DIP2C: variants seen among roughly 807,000 people sequenced by gnomAD.
DIP2C encodes disco-interacting protein 2 homolog C.
DIP2C carries 33 observed loss-of-function variants against 192.4 expected under a neutral mutation model. The observed-to-expected ratio is 0.17, with a 90% confidence interval of 0.13 to 0.23. The LOEUF (loss-of-function observed/expected upper bound fraction) is 0.23, where lower values mean the gene tolerates loss of function less well. DIP2C is among the 10% of genes least tolerant of loss of function. The probability of loss-of-function intolerance (pLI) is 1.00; values close to 1 mark genes in which losing one functional copy is unlikely to be tolerated. For missense variants in DIP2C, 1,537 were observed against 2,110.1 expected (o/e 0.73, Z 5.32); for synonymous variants, 979 against 864.1 (o/e 1.13, Z -2.33).
intron 31 of DIP2C, among the ~76,000 whole-genome samples, chr10:323,505 T>G (rs1324615750): frequency 1.3e-5 from 2 of 152,242 alleles, no homozygotes. Flanking sequence ...ACACCCCCGT[T>G]TCCACACTCA....
intron 1 of DIP2C, among the ~76,000 whole-genome samples, chr10:494,249 C>T (rs978359235): frequency 6.6e-6 from 1 of 152,198 alleles, no homozygotes; most frequent in East Asian, 1.9e-4. Flanking sequence ...TCAGTAAACA[C>T]AAAAGCGCAT....
chr10:462,408 A>G (rs1433947573), intron 3 of DIP2C, among the ~76,000 whole-genome samples: 5 of 152,248 alleles, frequency 3.3e-5, no homozygotes, highest in Non-Finnish European at 7.3e-5. Context: ...CTATGCAAAT[A>G]AACTAGAAAA....
intron 7 of DIP2C, 142 bp downstream of exon 7, chr10:415,627 G>T: frequency 1.8e-6 from 2 of 1,128,378 alleles, no homozygotes; most frequent in Non-Finnish European, 2.5e-6. Context: ...AACATCACCC[G>T]CTCCCTACCT....
At chr10:476,944 C>G (rs1297086511) in intron 2 of DIP2C, among the ~76,000 whole-genome samples, 1 of 148,940 alleles carries the variant, frequency 6.7e-6, no homozygotes, top group Non-Finnish European at 1.5e-5. Context: ...CTCGGTGGAG[C>G]TGGCCACAGG....
At chr10:507,943 A>G (rs1487017795) in intron 1 of DIP2C, among the ~76,000 whole-genome samples, 1 of 152,202 alleles carries the variant, frequency 6.6e-6, no homozygotes, top group Non-Finnish European at 1.5e-5. Flanking sequence ...TTTTCTGAAG[A>G]CAGAGTCCAT....
intron 1 of DIP2C, among the ~76,000 whole-genome samples, chr10:487,621 A>G (rs919185455): frequency 1.8e-5 from 2 of 113,766 alleles, no homozygotes; most frequent in Non-Finnish European, 3.3e-5. Flanking sequence ...TCTGTCGCCC[A>G]GGCTGGAGTG....
chr10:488,824 T>C (rs550938319), intron 1 of DIP2C, among the ~76,000 whole-genome samples: 1 of 152,318 alleles, frequency 6.6e-6, no homozygotes, highest in Non-Finnish European at 1.5e-5. Context: ...AACCAGACAA[T>C]GTCCCATAGA....
chr10:634,531 A>G (rs1485402224), intron 1 of DIP2C, among the ~76,000 whole-genome samples: 1 of 152,208 alleles, frequency 6.6e-6, no homozygotes, highest in African/African-American at 2.4e-5. Context: ...GTTCAACGGC[A>G]GGCCACCAAT....
chr10:502,453 AAAGT>A (rs1362523993), intron 1 of DIP2C, among the ~76,000 whole-genome samples: 1 of 152,210 alleles, frequency 6.6e-6, no homozygotes, highest in Non-Finnish European at 1.5e-5. Flanking sequence ...ATATTCGAAA[AAAGT>A]AAGGTCTCAG....
At chr10:617,389 C>A (rs1483821302) in intron 1 of DIP2C, among the ~76,000 whole-genome samples, 1 of 152,204 alleles carries the variant, frequency 6.6e-6, no homozygotes, top group Non-Finnish European at 1.5e-5. Flanking sequence ...GGAATGGTAA[C>A]TGAACCCACT....
intron 1 of DIP2C, among the ~76,000 whole-genome samples, chr10:575,782 GCA>G (rs1026124085): frequency 8.9e-4 from 136 of 152,318 alleles, no homozygotes; most frequent in African/African-American, 2.3e-3. Flanking sequence ...AGAGCCAGGG[GCA>G]CAGTTTCCTC....
chr10:662,344 G>A (rs1417278624), intron 1 of DIP2C, among the ~76,000 whole-genome samples: 3 of 152,200 alleles, frequency 2.0e-5, no homozygotes, highest in African/African-American at 7.2e-5. Context: ...GCCAGATAAC[G>A]CGGACAAAGT....
chr10:611,043 G>A (rs529679021), intron 1 of DIP2C, among the ~76,000 whole-genome samples: 4 of 150,976 alleles, frequency 2.6e-5, no homozygotes, highest in South Asian at 2.1e-4. Context: ...ACTGACTCAC[G>A]GGGGTGCTTT....
At chr10:414,727 G>GTATATATATATATATATA (rs1305381030) in intron 7 of DIP2C, among the ~76,000 whole-genome samples, 1 of 70,360 alleles carries the variant, frequency 1.4e-5, no homozygotes, top group African/African-American at 5.5e-5. Flanking sequence ...GTGTGTGTGT[G>GTATATATATATATATATA]TGTGTGTGTG....
chr10:298,143 C>T (rs540958504), intron 32 of DIP2C, among the ~76,000 whole-genome samples: 1 of 152,316 alleles, frequency 6.6e-6, no homozygotes, highest in South Asian at 2.1e-4. Flanking sequence ...TCCCAGGATC[C>T]TACCCAGGAT....
rs1966309088 is a variant in DIP2C at position 422,989 on chromosome 10, A to C, written c.439T>G (p.Ser147Ala). The change falls in exon 5 of 37, where the codon TCC (serine) becomes GCC (alanine). Residue 147 changes from serine to alanine, a missense_variant. Transcript: ENST00000280886. ...TGGCTGGAGGTGGGGGTGCCCTGGG[A>C]GTCCCCCTGCACTGAGCCTTCATCT... ...SEDEGSVQGD[S>A]QGTPTSSQGS... 6.2e-7 allele frequency: 1 copy of C among 1,613,938 alleles called. No individual in the cohort carries two copies. Among genetic ancestry groups the C allele is most frequent in the Non-Finnish European group, 8.5e-7 (1 of 1,179,964 alleles).
chr10:587,616 G>GC (rs1369637216), intron 1 of DIP2C, among the ~76,000 whole-genome samples: 2 of 151,624 alleles, frequency 1.3e-5, no homozygotes, highest in Non-Finnish European at 2.9e-5. Flanking sequence ...CACTGCCTCA[G>GC]CCCTGACCCT....
At chr10:467,438 G>A (rs1176100356) in intron 3 of DIP2C, among the ~76,000 whole-genome samples, 4 of 150,334 alleles carry the variant, frequency 2.7e-5, no homozygotes, top group South Asian at 2.1e-4. Context: ...GCTAGATGAC[G>A]AGTTAGTGGG....
chr10:398,149 CTTCCCT>C (rs1202371883), intron 10 of DIP2C, among the ~76,000 whole-genome samples: 1 of 152,178 alleles, frequency 6.6e-6, no homozygotes, highest in East Asian at 1.9e-4. Context: ...AGACAATCTC[CTTCCCT>C]TTCCAGGTCC....
Sources: gnomAD v4.1 joint callset for allele counts (sites outside exome capture counted in the v4.1 genomes callset) on GRCh38, gnomAD v4.1.1 for gene constraint, MANE v1.5 for transcripts, NCBI Gene and HGNC (gene_info 2026-07-23, HGNC 2026-07-21) for gene names.